LURAP1: variants seen among roughly 807,000 people sequenced by gnomAD.
The protein encoded by LURAP1 is leucine rich adaptor protein 1.
In LURAP1, 14 loss-of-function variants were observed where a neutral mutation model predicts 19.0. The ratio of observed to expected loss-of-function variants is 0.74; its 90% CI spans 0.49 to 1.15. The LOEUF is 1.15. LURAP1 is among the 50% of genes most tolerant of loss of function. The probability of loss-of-function intolerance (pLI) is 0.00; values close to 1 mark genes in which losing one functional copy is unlikely to be tolerated. For synonymous variants in LURAP1, 129 were observed against 131.8 expected (o/e 0.98, Z 0.14); for missense variants, 273 against 309.1 (o/e 0.88, Z 0.87).
chr1:46,210,941 ATTTTTT>A (rs34921411), intron 1 of LURAP1, among the ~76,000 whole-genome samples: 268 of 134,462 alleles, frequency 2.0e-3, no homozygotes, highest in Middle Eastern at 7.7e-3. Flanking sequence ...CACTCACCTA[ATTTTTT>A]TTTTTTTTTT....
chr1:46,215,744 T>G (rs1001293653), intron 1 of LURAP1, among the ~76,000 whole-genome samples: 5 of 151,856 alleles, frequency 3.3e-5, no homozygotes, highest in African/African-American at 1.2e-4. Context: ...AAAAAAAAAT[T>G]TAAAAATTAG....
At chr1:46,211,480 C>CAG (rs1461173055) in intron 1 of LURAP1, among the ~76,000 whole-genome samples, 118 of 151,052 alleles carry the variant, frequency 7.8e-4, no homozygotes, top group Non-Finnish European at 9.4e-4. Context: ...CACACACACA[C>CAG]AGTAATATCA....
intron 1 of LURAP1, among the ~76,000 whole-genome samples, chr1:46,208,466 G>A (rs1427299680): frequency 6.6e-6 from 1 of 152,194 alleles, no homozygotes. Flanking sequence ...TCTCGAGGAA[G>A]GGCAAGGAAG....
At chr1:46,212,255 C>A (rs1658919801) in intron 1 of LURAP1, among the ~76,000 whole-genome samples, 2 of 151,794 alleles carry the variant, frequency 1.3e-5, no homozygotes, top group Admixed American at 6.6e-5. Flanking sequence ...AATGTCAGAC[C>A]ATGTATAACA....
At chr1:46,217,697 AAAT>A (rs1659109729) in intron 1 of LURAP1, among the ~76,000 whole-genome samples, 1 of 152,100 alleles carries the variant, frequency 6.6e-6, no homozygotes, top group Admixed American at 6.6e-5. Context: ...TCTCTACTAA[AAAT>A]ACAAAAATTA....
rs551623358 is a variant in LURAP1, at chr1:46,220,422, C to CTCTTTCTT, written c.*216_*223dup. The CTCTTTCTT allele has an allele frequency of 5.3e-6, 3 of 570,120 alleles. No homozygotes were observed. The highest frequency in any genetic ancestry group is 9.1e-6 in the Non-Finnish European group (3 of 330,494). The allele number at this position is 570,120 out of a possible 1,614,324, so 35.3% of individuals were successfully genotyped here. A position where few individuals can be genotyped will look rare whatever the true frequency, so the allele number is the denominator to read the frequency against. On this transcript the variant is annotated 3_prime_UTR_variant, in exon 2 of 2. Transcript: ENST00000371980. ...TTATTGGGTCCCTAGAGCTAGCTTG[C>CTCTTTCTT]TCTTTCTTTCTTTCTTTCTTTTTTT...
intron 1 of LURAP1, among the ~76,000 whole-genome samples, chr1:46,204,393 G>A (rs564163708): frequency 1.8e-4 from 28 of 152,312 alleles, no homozygotes; most frequent in Non-Finnish European, 3.7e-4. Context: ...GCCCTGGCAG[G>A]TTCCCCAGGG....
At chr1:46,209,524 CTGT>C (rs1378893331) in intron 1 of LURAP1, among the ~76,000 whole-genome samples, 6 of 149,068 alleles carry the variant, frequency 4.0e-5, no homozygotes, top group East Asian at 4.0e-4. Context: ...GATGTAAGTT[CTGT>C]TGTTGTTTTC....
At chr1:46,210,548 G>A (rs1034166724) in intron 1 of LURAP1, among the ~76,000 whole-genome samples, 29 of 152,114 alleles carry the variant, frequency 1.9e-4, no homozygotes, top group Non-Finnish European at 2.6e-4. Flanking sequence ...GCTTCAAATT[G>A]GGGTTCCTAT....
chr1:46,218,842 G>A (rs1025653431), intron 1 of LURAP1, among the ~76,000 whole-genome samples: 3 of 151,924 alleles, frequency 2.0e-5, no homozygotes, highest in Non-Finnish European at 2.9e-5. Flanking sequence ...TTCCCCTCTC[G>A]GTGGCTGCTA....
At chr1:46,211,424 A>T (rs1658890540) in intron 1 of LURAP1, among the ~76,000 whole-genome samples, 1 of 144,956 alleles carries the variant, frequency 6.9e-6, no homozygotes, top group African/African-American at 2.6e-5. Flanking sequence ...TGAGCCAAAA[A>T]CTGGATGAAA....
rs72899005 is a variant in LURAP1, at chr1:46,213,492, G to A, written c.199-6207G>A. 8.4e-3 allele frequency among the ~76,000 whole-genome samples: 1,278 copies of A among 151,896 alleles called. 19 individuals carry two copies. Among genetic ancestry groups the A allele is most frequent in the Middle Eastern group, 0.037 (11 of 294 alleles). On this transcript the variant is annotated intron_variant, in intron 1 of 1. Transcript: ENST00000371980. ...TTACGTGACAAATGACTTTATATAT[G>A]GAGAATAGAACAGAAGGTCTCTAGA...
In LURAP1 at chr1:46,218,318, G is replaced by A. The variant is rs145037911; in HGVS notation, c.199-1381G>A. On this transcript the variant is annotated intron_variant, in intron 1 of 1. Transcript: ENST00000371980. Reference sequence around the variant, plus strand: ...AGAGAATCGCTTGAGACCAGGAGATGGAGGCTGTAGTGAGCCATGACTGTG... The same window carrying A: ...AGAGAATCGCTTGAGACCAGGAGATAGAGGCTGTAGTGAGCCATGACTGTG... Among the ~76,000 whole-genome samples, 14 of 152,316 alleles carry A rather than the reference G, an allele frequency of 9.2e-5. 1 individual carries two copies. Among genetic ancestry groups the A allele is most frequent in the Admixed American group, 5.9e-4 (9 of 15,282 alleles).
In LURAP1 at chr1:46,203,490, A is replaced by C; in HGVS notation, c.64A>C (p.Lys22Gln). 6.5e-7 allele frequency: 1 copy of C among 1,535,146 alleles called. No individual in the cohort carries two copies. Residue 22 changes from lysine to glutamine, a missense_variant, in exon 1 of 2, where the codon AAG becomes CAG. Transcript: ENST00000371980. Reference sequence around the variant, plus strand: ...GGATGTGGAGGGTAAGGTGGGCAGGAAGACCCCTGAAGGGCTGCTCCGCGG... The same window carrying C: ...GGATGTGGAGGGTAAGGTGGGCAGGCAGACCCCTGAAGGGCTGCTCCGCGG... ...LRDVEGKVGRKTPEGLLRGLR... is the reference protein window; with the variant it reads ...LRDVEGKVGRQTPEGLLRGLR...
intron 1 of LURAP1, among the ~76,000 whole-genome samples, chr1:46,216,186 A>G (rs1659062172): frequency 6.6e-6 from 1 of 150,840 alleles, no homozygotes; most frequent in Non-Finnish European, 1.5e-5. Context: ...AGCTGAGACT[A>G]CAGGCGCCCG....
chr1:46,220,100 G>A lies in LURAP1; in HGVS notation c.600G>A (p.Lys200=), dbSNP rs1193685004. 3.1e-6 allele frequency: 5 copies of A among 1,614,106 alleles called. No homozygotes were observed. The highest frequency in any genetic ancestry group is 1.3e-5 in the African/African-American group (1 of 74,944). The part of the protein sequence containing the change: ...TRLGSLRAVW[K]PPGERLQGGP... ...TAGGGAGCTTGAGAGCTGTGTGGAA[G>A]CCCCCAGGGGAGAGGCTTCAAGGTG... The change falls in exon 2 of 2, where the codon AAG becomes AAA. Residue 200 remains lysine (K), a synonymous_variant. Coordinates refer to ENST00000371980, the MANE Select transcript of LURAP1 (RefSeq NM_001013615.3).
chr1:46,204,243 T>C (rs1658643295), intron 1 of LURAP1, among the ~76,000 whole-genome samples: 1 of 152,142 alleles, frequency 6.6e-6, no homozygotes, highest in Non-Finnish European at 1.5e-5. Flanking sequence ...CGCCTCAGAC[T>C]CAGTCTCCTC....
At chr1:46,210,752 C>G (rs149566730) in intron 1 of LURAP1, among the ~76,000 whole-genome samples, 2 of 152,096 alleles carry the variant, frequency 1.3e-5, no homozygotes, top group Non-Finnish European at 2.9e-5. Context: ...GCTACTTGGA[C>G]GCTCTCTGAA....
chr1:46,212,246 A>G (rs12141928), intron 1 of LURAP1, among the ~76,000 whole-genome samples: 31,613 of 151,938 alleles, frequency 0.21, 3,362 homozygotes, highest in Admixed American at 0.26. Context: ...GTTTTGGTCA[A>G]TGTCAGACCA....
Sources: allele counts gnomAD v4.1 joint callset (sites outside exome capture counted in the v4.1 genomes callset), GRCh38; gene constraint gnomAD v4.1.1; transcripts MANE v1.5; gene names NCBI Gene and HGNC (gene_info 2026-07-23, HGNC 2026-07-21).